The following EVL variants were observed in gnomAD, a reference collection of about 807,000 sequenced individuals.
The protein encoded by EVL is ena/VASP-like protein.
Under a neutral mutation model 59.6 loss-of-function variants are expected in EVL, and 21 were observed. The ratio of observed to expected loss-of-function variants is 0.35; its 90% CI spans 0.25 to 0.51. EVL has a LOEUF of 0.51. Ranked by LOEUF, EVL falls within the 20% of genes least tolerant of loss-of-function variation. The probability of loss-of-function intolerance (pLI) is 0.97; values close to 1 mark genes in which losing one functional copy is unlikely to be tolerated. For synonymous variants in EVL, 198 were observed against 203.5 expected, an observed-to-expected ratio of 0.97 and a Z score of 0.23; for missense variants, 462 against 546.6, an observed-to-expected ratio of 0.85 and a Z score of 1.54.
intron 2 of EVL, among the ~76,000 whole-genome samples, chr14:100,095,657 T>C (rs1885757331): frequency 6.6e-6 from 1 of 152,196 alleles, no homozygotes; most frequent in South Asian, 2.1e-4. Context: ...AACTTGTGTG[T>C]AGTTGTTGGC....
chr14:99,994,059 A>C (rs2060894529), intron 1 of EVL, among the ~76,000 whole-genome samples: 1 of 145,128 alleles, frequency 6.9e-6, no homozygotes, highest in South Asian at 2.2e-4. Flanking sequence ...GTTTCTTTTA[A>C]GTTGTATCCA....
Position 100,137,197 on chromosome 14 carries a change from T to G in EVL, c.965-381T>G, listed in dbSNP as rs1361666867. 1.7e-4 allele frequency: 47 copies of G among 276,120 alleles called. No homozygotes were observed. In the Admixed American group the frequency reaches 2.1e-3, roughly 13 times the overall value. The allele number at this position is 276,120 out of a possible 1,614,324, so 17.1% of individuals were successfully genotyped here. ...CATGGGAGGCAGACTAAGGAGCCCC[T>G]CAGTAGCAGGTGCCGGGCCGAGGGG... On this transcript the variant is annotated intron_variant, in intron 9 of 13. Transcript: ENST00000392920.
intron 1 of EVL, among the ~76,000 whole-genome samples, chr14:100,050,127 C>T (rs1042018924): frequency 3.9e-5 from 6 of 152,152 alleles, no homozygotes; most frequent in Non-Finnish European, 1.5e-5. Context: ...ACAACTCCCA[C>T]CCCGTAAAAA....
At chr14:100,082,436 T>C (rs1384233496) in intron 1 of EVL, among the ~76,000 whole-genome samples, 2 of 152,198 alleles carry the variant, frequency 1.3e-5, no homozygotes, top group East Asian at 3.9e-4. Flanking sequence ...TTCCTTCAGC[T>C]ATCCGGTGGG....
chr14:100,031,249 C>T (rs1361861488), intron 1 of EVL, among the ~76,000 whole-genome samples: 4 of 152,228 alleles, frequency 2.6e-5, no homozygotes, highest in Non-Finnish European at 4.4e-5. Flanking sequence ...GAAACCCAGA[C>T]ATGTGCACTG....
intron 1 of EVL, among the ~76,000 whole-genome samples, chr14:100,040,307 A>G (rs55665702): frequency 0.018 from 2,790 of 152,236 alleles, 127 homozygotes; most frequent in East Asian, 0.18. Flanking sequence ...CCTTGTTCAC[A>G]ATCTACCATG....
intron 3 of EVL, chr14:100,107,964 A>C (rs778894523): frequency 6.6e-6 from 1 of 152,266 alleles, no homozygotes; most frequent in African/African-American, 2.4e-5. Flanking sequence ...ATTAAAACAC[A>C]GGATGAAGTG....
intron 3 of EVL, 89 bp downstream of exon 3, chr14:100,097,747 G>A: frequency 7.9e-7 from 1 of 1,267,696 alleles, no homozygotes; most frequent in Middle Eastern, 2.3e-4. Context: ...GGGTATCCTA[G>A]CACTGTCACT....
At chr14:100,075,748 G>C (rs1017469739) in intron 1 of EVL, among the ~76,000 whole-genome samples, 1 of 152,186 alleles carries the variant, frequency 6.6e-6, no homozygotes, top group Non-Finnish European at 1.5e-5. Flanking sequence ...GTGGGGTTTG[G>C]GGGGCAGAGA....
intron 1 of EVL, among the ~76,000 whole-genome samples, chr14:100,045,995 A>G (rs1344147852): frequency 6.6e-6 from 1 of 152,228 alleles, no homozygotes; most frequent in Non-Finnish European, 1.5e-5. Context: ...CAGAAATAAA[A>G]TCTTCAGAAG....
intron 1 of EVL, among the ~76,000 whole-genome samples, chr14:100,077,458 T>C (rs902860402): frequency 6.6e-6 from 1 of 152,216 alleles, no homozygotes; most frequent in Non-Finnish European, 1.5e-5. Context: ...CTCTAAGTTA[T>C]GTCCAACAGT....
intron 1 of EVL, among the ~76,000 whole-genome samples, chr14:100,080,916 A>G (rs1252138598): frequency 2.0e-5 from 3 of 152,230 alleles, no homozygotes; most frequent in Admixed American, 6.5e-5. Flanking sequence ...TCATATGTAT[A>G]TGTTTTTTAA....
At chr14:100,019,579 C>A in intron 1 of EVL, 1 of 1,256,968 alleles carries the variant, frequency 8.0e-7, no homozygotes, top group Non-Finnish European at 1.1e-6. Context: ...TTTTTCTGCA[C>A]TTTGCACCAT....
In EVL at chr14:100,077,176, C is replaced by T. The variant is rs1190722913; in HGVS notation, c.12-7511C>T. ...AGGGTTGGGGGTGTGAGACTTCAAC[C>T]AGAGGCGGGGGAACAGCTAGGAGGC... On this transcript the variant is annotated intron_variant, in intron 1 of 13. Coordinates refer to ENST00000392920, the MANE Select transcript of EVL (RefSeq NM_016337.3). Among the ~76,000 whole-genome samples the T allele has an allele frequency of 2.6e-5, 4 of 151,930 alleles. No homozygotes were observed. In the East Asian group the frequency reaches 7.7e-4, roughly 29 times the overall value.
rs78045410 is a variant in EVL at position 99,982,999 on chromosome 14, C to A, written c.5+10942C>A. Among the ~76,000 whole-genome samples the A allele has an allele frequency of 2.8e-4, 43 of 152,266 alleles. No individual in the cohort carries two copies. The East Asian group carries it at 7.5e-3, about 27-fold the overall frequency. On this transcript the variant is annotated intron_variant, in intron 1 of 13. Coordinates refer to the EVL transcript ENST00000402714. Reference sequence around the variant, plus strand: ...ATCAAATGAGAATACATGAGAAGTTCTCAGCTTATGATATTCAGTAAAGGT... The same window carrying A: ...ATCAAATGAGAATACATGAGAAGTTATCAGCTTATGATATTCAGTAAAGGT...
At chr14:100,110,377 A>G (rs1008005079) in intron 3 of EVL, among the ~76,000 whole-genome samples, 7 of 136,778 alleles carry the variant, frequency 5.1e-5, no homozygotes, top group East Asian at 2.0e-4. Flanking sequence ...CTGTCTCAGG[A>G]AAAAAAAAAA....
At chr14:100,051,182 A>G (rs1298397021) in intron 1 of EVL, among the ~76,000 whole-genome samples, 2 of 152,248 alleles carry the variant, frequency 1.3e-5, no homozygotes, top group East Asian at 3.8e-4. Context: ...GTAAATTTTA[A>G]ATTGTAGGCC....
At chr14:99,974,119 C>G (rs1259475715) in intron 1 of EVL, among the ~76,000 whole-genome samples, 2 of 152,150 alleles carry the variant, frequency 1.3e-5, no homozygotes, top group African/African-American at 4.8e-5. Flanking sequence ...ATATAATTCA[C>G]ACAGTAAAAT....
At chr14:100,102,999 G>A (rs1222978120) in intron 3 of EVL, among the ~76,000 whole-genome samples, 5 of 151,752 alleles carry the variant, frequency 3.3e-5, no homozygotes. Context: ...CTACTTGGGA[G>A]GCTGAGGCAG....
Sources: gnomAD v4.1 joint callset for allele counts (sites outside exome capture counted in the v4.1 genomes callset) on GRCh38, gnomAD v4.1.1 for gene constraint, MANE v1.5 for transcripts, NCBI Gene and HGNC (gene_info 2026-07-23, HGNC 2026-07-21) for gene names.